The following CCDC43 variants were observed in gnomAD, a reference collection of about 807,000 sequenced individuals.
CCDC43 encodes coiled-coil domain-containing protein 43.
A neutral mutation model predicts 33.3 loss-of-function variants in CCDC43; 20 were observed. That is an observed-to-expected ratio of 0.60 (90% CI 0.42 to 0.87). The LOEUF (loss-of-function observed/expected upper bound fraction) is 0.87. Ranked by LOEUF, CCDC43 falls within the 40% of genes least tolerant of loss-of-function variation. CCDC43 has a pLI of 0.00. For synonymous variants in CCDC43, 104 were observed against 106.5 expected (o/e 0.98, Z 0.14); for missense variants, 248 against 269.9 (o/e 0.92, Z 0.57).
chr17:44,684,087 A>G lies in CCDC43; in HGVS notation c.205-128T>C, dbSNP rs1972200109. On this transcript the variant is annotated intron_variant, in intron 1 of 4. Transcript: ENST00000315286. The stretch of plus-strand genomic sequence containing the variant: ...ATTATGGAAGGGTCTGGGAGCCACA[A>G]TAGAGTATGTTTCTTTTCTGAGGCT... The G allele has an allele frequency of 7.7e-6, 5 of 647,918 alleles. No homozygotes were observed. In the East Asian group the frequency reaches 8.2e-5, roughly 11 times the overall value. The allele number at this position is 647,918 out of a possible 1,614,324, so 40.1% of individuals were successfully genotyped here. A position where few individuals can be genotyped will look rare whatever the true frequency, so the allele number is the denominator to read the frequency against.
chr17:44,689,264 T>C (rs1195605816), intron 1 of CCDC43: 3 of 467,970 alleles, frequency 6.4e-6, no homozygotes, highest in Non-Finnish European at 1.2e-5. Context: ...GACATTTCAA[T>C]GCCTTCGGAA....
chr17:44,685,435 A>G (rs966655981), intron 1 of CCDC43, among the ~76,000 whole-genome samples: 3 of 152,042 alleles, frequency 2.0e-5, no homozygotes, highest in Non-Finnish European at 4.4e-5. Flanking sequence ...ATACCAACCA[A>G]TCTCCCTCCT....
At chr17:44,684,554 C>T (rs186735147) in intron 1 of CCDC43, among the ~76,000 whole-genome samples, 34 of 151,842 alleles carry the variant, frequency 2.2e-4, no homozygotes, top group Admixed American at 5.9e-4. Flanking sequence ...AAAAATTAGC[C>T]GGGTGTGGTG....
chr17:44,681,168 G>A (rs896372216), intron 3 of CCDC43, among the ~76,000 whole-genome samples: 1 of 152,192 alleles, frequency 6.6e-6, no homozygotes, highest in African/African-American at 2.4e-5. Flanking sequence ...GCCAGGCGCG[G>A]TGGCTCACGC....
chr17:44,682,875 C>G (rs1401239405), intron 2 of CCDC43, among the ~76,000 whole-genome samples: 1 of 151,858 alleles, frequency 6.6e-6, no homozygotes, highest in African/African-American at 2.4e-5. Flanking sequence ...AAATATTTTG[C>G]CATGCTATAA....
At position 44,677,482 on chromosome 17, in the gene CCDC43, ATT is replaced by A. The variant is rs1485714617; in HGVS notation, c.*1372_*1373del. 4 of 151,782 alleles carry A rather than the reference ATT, an allele frequency of 2.6e-5. No individual in the cohort carries two copies. Among genetic ancestry groups the A allele is most frequent in the Admixed American group, 2.6e-4 (4 of 15,236 alleles). The allele number at this position is 151,782 out of a possible 1,614,324, so 9.4% of individuals were successfully genotyped here. A position where few individuals can be genotyped will look rare whatever the true frequency, so the allele number is the denominator to read the frequency against. On this transcript the variant is annotated 3_prime_UTR_variant, in exon 5 of 5. Coordinates refer to ENST00000315286, the MANE Select transcript of CCDC43 (RefSeq NM_144609.3). ...TATTTTTTTAAAGGTGGTTATTTTT[ATT>A]TTTTGCAATGCCACAGTTATAGGAG...
chr17:44,687,309 G>A (rs1045492864), intron 1 of CCDC43, among the ~76,000 whole-genome samples: 8 of 151,996 alleles, frequency 5.3e-5, no homozygotes, highest in Non-Finnish European at 1.0e-4. Flanking sequence ...CAGGCATGGT[G>A]GCATATGCCT....
intron 1 of CCDC43, 154 bp downstream of exon 1, chr17:44,689,396 T>TC: frequency 4.3e-6 from 5 of 1,162,212 alleles, no homozygotes; most frequent in Non-Finnish European, 5.9e-6. Context: ...GGGAGCAACC[T>TC]CCTTCCCCCG....
rs1317257028 is a variant in CCDC43 at position 44,684,478 on chromosome 17, A to C, written c.205-519T>G. ...TTTGGGAGGCTGAGGAGGGCGGATC[A>C]CTTGAAGCTGGGAGTTCAAGACCAG... On this transcript the variant is annotated intron_variant, in intron 1 of 4. Coordinates refer to ENST00000315286, the MANE Select transcript of CCDC43 (RefSeq NM_144609.3). Among the ~76,000 whole-genome samples, 3 of 152,120 alleles carry C rather than the reference A, an allele frequency of 2.0e-5. No individual in the cohort carries two copies. In the East Asian group the frequency reaches 5.8e-4, roughly 29 times the overall value.
At chr17:44,681,684 G>A (rs974616190) in intron 3 of CCDC43, 100 of 276,912 alleles carry the variant, frequency 3.6e-4, no homozygotes, top group African/African-American at 1.9e-3. Context: ...ACACTGTATA[G>A]AAAAGTATTA....
In CCDC43 at chr17:44,678,936, T is replaced by C; in HGVS notation, c.595A>G (p.Arg199Gly). ...TGCTTGGCTAGTTTGTCTCTCTCCC[T>C]CTGCAGCTTGTCCTGTTCCTTCTTC... ...QRKKEQDKLQRERDKLAKQER... is the reference protein window; with the variant it reads ...QRKKEQDKLQGERDKLAKQER... Residue 199 changes from arginine (R) to glycine (G), a missense_variant, in exon 5 of 5, where the codon AGG (arginine) becomes GGG (glycine). Coordinates refer to ENST00000315286, the MANE Select transcript of CCDC43 (RefSeq NM_144609.3). 1.2e-6 allele frequency: 2 copies of C among 1,613,892 alleles called. No homozygotes were observed. The highest frequency in any genetic ancestry group is 1.7e-6 in the Non-Finnish European group (2 of 1,179,864).
intron 3 of CCDC43, 59 bp downstream of exon 3, chr17:44,681,944 C>T (rs2144689738): frequency 4.4e-6 from 7 of 1,607,290 alleles, no homozygotes; most frequent in Middle Eastern, 3.3e-4. Context: ...TCACTGTAAA[C>T]CCACAAATAT....
In CCDC43 at chr17:44,677,767, C is replaced by T. The variant is rs765682153; in HGVS notation, c.*1089G>A. The T allele has an allele frequency of 3.9e-5, 6 of 152,126 alleles. No individual in the cohort carries two copies. The highest frequency in any genetic ancestry group is 5.9e-5 in the Non-Finnish European group (4 of 68,014). 9.4% of individuals were successfully genotyped at this position (152,126 alleles called of 1,614,324 possible). On this transcript the variant is annotated 3_prime_UTR_variant, in exon 5 of 5. Coordinates refer to ENST00000315286, the MANE Select transcript of CCDC43 (RefSeq NM_144609.3). ...AAAACAGACTGGGCCAAATTCGGCC[C>T]GTGGGCAGTAGTTTGCCAACCCCTG...
Position 44,681,994 on chromosome 17 carries a change from A to G in CCDC43, c.428+9T>C. ...TTAGGGAATGGTGCCGAGACTCCAG[A>G]AAGGATATTCCTCTTCATCTGTCAC... On this transcript the variant is annotated intron_variant, in intron 3 of 4. Coordinates refer to ENST00000315286, the MANE Select transcript of CCDC43 (RefSeq NM_144609.3). The G allele has an allele frequency of 6.2e-7, 1 of 1,613,956 alleles. No individual in the cohort carries two copies. Among genetic ancestry groups the G allele is most frequent in the Non-Finnish European group, 8.5e-7 (1 of 1,179,860 alleles).
At position 44,677,878 on chromosome 17, in the gene CCDC43, G is replaced by A. The variant is rs1233743729; in HGVS notation, c.*978C>T. 2 of 152,210 alleles carry A rather than the reference G, an allele frequency of 1.3e-5. No individual in the cohort carries two copies. The highest frequency in any genetic ancestry group is 2.9e-5 in the Non-Finnish European group (2 of 68,008). 9.4% of individuals were successfully genotyped at this position (152,210 alleles called of 1,614,324 possible). A position where few individuals can be genotyped will look rare whatever the true frequency, so the allele number is the denominator to read the frequency against. ...TGCTGCCTGAAGTCAAGTGGAGAAG[G>A]GCCTTATTTACAATTTAATGTGGTT... On this transcript the variant is annotated 3_prime_UTR_variant, in exon 5 of 5. Coordinates refer to ENST00000315286, the MANE Select transcript of CCDC43 (RefSeq NM_144609.3).
Position 44,677,832 on chromosome 17 carries a change from T to C in CCDC43, c.*1024A>G, listed in dbSNP as rs1272276745. On this transcript the variant is annotated 3_prime_UTR_variant, in exon 5 of 5. Coordinates refer to ENST00000315286, the MANE Select transcript of CCDC43 (RefSeq NM_144609.3). ...CTTTGTCTTGTCAGAGAAATTGCTG[T>C]CCTTAGGCTTCTAGACAATCTGCTG... 1 of 152,262 alleles carries C rather than the reference T, an allele frequency of 6.6e-6. No homozygotes were observed. Among genetic ancestry groups the C allele is most frequent in the Non-Finnish European group, 1.5e-5 (1 of 68,050 alleles). 9.4% of individuals were successfully genotyped at this position (152,262 alleles called of 1,614,324 possible). A position where few individuals can be genotyped will look rare whatever the true frequency, so the allele number is the denominator to read the frequency against.
chr17:44,679,455 C>G (rs1488768598), intron 4 of CCDC43, among the ~76,000 whole-genome samples: 1 of 152,146 alleles, frequency 6.6e-6, no homozygotes, highest in Non-Finnish European at 1.5e-5. Context: ...TGTTTATGTA[C>G]TTGGCTCTGT....
intron 1 of CCDC43, chr17:44,689,300 C>G: frequency 1.8e-6 from 1 of 542,510 alleles, no homozygotes; most frequent in Non-Finnish European, 3.3e-6. Flanking sequence ...CACTCACAAG[C>G]ATCGGAGAGG....
At chr17:44,686,813 T>C (rs1055487158) in intron 1 of CCDC43, among the ~76,000 whole-genome samples, 1 of 152,210 alleles carries the variant, frequency 6.6e-6, no homozygotes, top group Admixed American at 6.5e-5. Flanking sequence ...GCACTTAGGG[T>C]AGTGCCTGGC....
Sources: allele counts gnomAD v4.1 joint callset (sites outside exome capture counted in the v4.1 genomes callset), GRCh38; gene constraint gnomAD v4.1.1; transcripts MANE v1.5; gene names NCBI Gene and HGNC (gene_info 2026-07-23, HGNC 2026-07-21).